Variants in KCNN3 observed in about 807,000 individuals in gnomAD.
The protein encoded by KCNN3 is potassium calcium-activated channel subfamily N member 3.
KCNN3 carries 16 observed loss-of-function variants against 62.9 expected under a neutral mutation model. The ratio of observed to expected loss-of-function variants is 0.25; its 90% CI spans 0.17 to 0.39. The LOEUF (loss-of-function observed/expected upper bound fraction) is 0.39. KCNN3 is among the 10% of genes least tolerant of loss of function. KCNN3 has a pLI of 1.00. For synonymous variants in KCNN3, 370 were observed against 389.2 expected (o/e 0.95, Z 0.58); for missense variants, 599 against 949.4 (o/e 0.63, Z 4.85).
intron 2 of KCNN3, among the ~76,000 whole-genome samples, chr1:154,787,631 TG>T (rs1444032372): frequency 6.6e-6 from 1 of 152,200 alleles, no homozygotes; most frequent in African/African-American, 2.4e-5. Flanking sequence ...CCACAGGTAC[TG>T]CCCTGGATCC....
intron 2 of KCNN3, among the ~76,000 whole-genome samples, chr1:154,816,601 T>G (rs1259815867): frequency 6.6e-6 from 1 of 152,144 alleles, no homozygotes; most frequent in Non-Finnish European, 1.5e-5. Context: ...ATTCCATGCC[T>G]GGGGCTCTGA....
At chr1:154,790,750 T>C (rs1649478822) in intron 2 of KCNN3, among the ~76,000 whole-genome samples, 1 of 152,224 alleles carries the variant, frequency 6.6e-6, no homozygotes, top group Non-Finnish European at 1.5e-5. Flanking sequence ...TCGTTAAATC[T>C]GGGACTATCT....
At chr1:154,755,863 AAGGAAGAGGAAGATGAGG>A (rs1480195462) in intron 3 of KCNN3, among the ~76,000 whole-genome samples, 2 of 135,536 alleles carry the variant, frequency 1.5e-5, no homozygotes, top group East Asian at 4.7e-4. Flanking sequence ...AAGGAAGAAG[AAGGAAGAGGAAGATGAGG>A]AGGAAGAGGA....
intron 5 of KCNN3, among the ~76,000 whole-genome samples, chr1:154,715,981 T>C (rs1700227012): frequency 1.3e-5 from 2 of 152,238 alleles, no homozygotes; most frequent in African/African-American, 4.8e-5. Flanking sequence ...GTAAATGTAA[T>C]TGGCACAAAA....
rs1699803833 is a variant in KCNN3 at position 154,699,277 on chromosome 1, T to G, written c.*8699A>C. 6.6e-6 allele frequency: 1 copy of G among 151,822 alleles called. No homozygotes were observed. The highest frequency in any genetic ancestry group is 2.4e-5 in the African/African-American group (1 of 41,312). The allele number at this position is 151,822 out of a possible 1,614,324, so 9.4% of individuals were successfully genotyped here. A position where few individuals can be genotyped will look rare whatever the true frequency, so the allele number is the denominator to read the frequency against. ...ATGTTCCGAATAGAACCTCTCTATG[T>G]AAAGGTCTCACTAAACAAATAAACA... On this transcript the variant is annotated 3_prime_UTR_variant, in exon 8 of 8. Transcript: ENST00000271915.
chr1:154,803,055 G>A (rs1650025811), intron 2 of KCNN3, among the ~76,000 whole-genome samples: 1 of 152,182 alleles, frequency 6.6e-6, no homozygotes, highest in Non-Finnish European at 1.5e-5. Flanking sequence ...GTTAGGGATG[G>A]AGCAATTCAC....
At chr1:154,800,735 G>C (rs1275862264) in intron 2 of KCNN3, among the ~76,000 whole-genome samples, 2 of 152,096 alleles carry the variant, frequency 1.3e-5, no homozygotes, top group Non-Finnish European at 2.9e-5. Context: ...ATGCCTGTTA[G>C]GAGGAAACAG....
intron 1 of KCNN3, among the ~76,000 whole-genome samples, chr1:154,849,824 A>G (rs933319522): frequency 6.6e-6 from 1 of 152,132 alleles, no homozygotes; most frequent in Non-Finnish European, 1.5e-5. Context: ...TGGGCTGGGT[A>G]ATTCTTTGTT....
At chr1:154,840,154 T>C (rs12754189) in intron 1 of KCNN3, among the ~76,000 whole-genome samples, 34,145 of 152,038 alleles carry the variant, frequency 0.22, 4,522 homozygotes, top group Non-Finnish European at 0.31. Flanking sequence ...CTAAAAGAAA[T>C]GTACAAATTT....
At chr1:154,861,705 C>T (rs762092294) in intron 1 of KCNN3, among the ~76,000 whole-genome samples, 3 of 152,220 alleles carry the variant, frequency 2.0e-5, no homozygotes, top group Non-Finnish European at 4.4e-5. Context: ...CCATAAACCA[C>T]CGTCCGCCTG....
chr1:154,712,301 C>T (rs1009875956), intron 7 of KCNN3, among the ~76,000 whole-genome samples: 21 of 152,174 alleles, frequency 1.4e-4, no homozygotes, highest in Non-Finnish European at 2.6e-4. Context: ...ACCCAAAAAC[C>T]TGAGGGAGTT....
At chr1:154,752,040 G>T (rs1408734183) in intron 3 of KCNN3, among the ~76,000 whole-genome samples, 1 of 152,218 alleles carries the variant, frequency 6.6e-6, no homozygotes, top group African/African-American at 2.4e-5. Context: ...GACAGAGAGA[G>T]GAGGCATGGA....
chr1:154,810,298 T>G (rs6700043), intron 2 of KCNN3, among the ~76,000 whole-genome samples: 23,080 of 151,826 alleles, frequency 0.15, 2,592 homozygotes, highest in African/African-American at 0.32. Context: ...TGGCTTGGGG[T>G]TAGAGGCAGG....
Position 154,808,345 on chromosome 1 carries a change from C to G in KCNN3, c.1029+13744G>C, listed in dbSNP as rs567872822. Among the ~76,000 whole-genome samples, 210 of 152,286 alleles carry G rather than the reference C, an allele frequency of 1.4e-3. 1 individual carries two copies. Among genetic ancestry groups the G allele is most frequent in the Non-Finnish European group, 1.8e-3 (123 of 68,016 alleles). On this transcript the variant is annotated intron_variant, in intron 2 of 7. Transcript: ENST00000271915. Reference sequence around the variant, plus strand: ...GAGCCCTGAGCTTCTGCATTCTTCACAGCTGCTGGAGCTGGTCCCTTCCCC... The same window carrying G: ...GAGCCCTGAGCTTCTGCATTCTTCAGAGCTGCTGGAGCTGGTCCCTTCCCC...
At chr1:154,742,351 G>A (rs372669480) in intron 3 of KCNN3, among the ~76,000 whole-genome samples, 2 of 152,228 alleles carry the variant, frequency 1.3e-5, no homozygotes, top group African/African-American at 4.8e-5. Flanking sequence ...CTGGGGTATA[G>A]CTGAACCTAC....
chr1:154,699,939 A>G lies in KCNN3; in HGVS notation c.*8037T>C, dbSNP rs1042760325. The G allele has an allele frequency of 6.6e-6, 1 of 152,178 alleles. No homozygotes were observed. Among genetic ancestry groups the G allele is most frequent in the African/African-American group, 2.4e-5 (1 of 41,446 alleles). 9.4% of individuals were successfully genotyped at this position (152,178 alleles called of 1,614,324 possible). On this transcript the variant is annotated 3_prime_UTR_variant, in exon 8 of 8. Coordinates refer to ENST00000271915, the MANE Select transcript of KCNN3 (RefSeq NM_002249.6). ...GGGGGCTTTGAGGTGGCTCAAGGATATGGAGTGCTATTTAGGTAAGACCGG... is the reference window on the plus strand; with the variant it reads ...GGGGGCTTTGAGGTGGCTCAAGGATGTGGAGTGCTATTTAGGTAAGACCGG...
chr1:154,769,239 A>G (rs924869510), intron 3 of KCNN3, among the ~76,000 whole-genome samples: 1 of 152,108 alleles, frequency 6.6e-6, no homozygotes, highest in African/African-American at 2.4e-5. Context: ...GGGATGACAT[A>G]TGGATTTTAC....
chr1:154,764,521 A>C (rs1007175066), intron 3 of KCNN3, among the ~76,000 whole-genome samples: 2 of 152,152 alleles, frequency 1.3e-5, no homozygotes, highest in African/African-American at 4.8e-5. Context: ...ATACTCATAA[A>C]ATTTTGCCTG....
intron 1 of KCNN3, among the ~76,000 whole-genome samples, chr1:154,829,086 G>A (rs1245084569): frequency 1.3e-5 from 2 of 152,224 alleles, no homozygotes; most frequent in African/African-American, 4.8e-5. Flanking sequence ...CCCAAGGGCT[G>A]CCCTCTGCAC....
Sources: gnomAD v4.1 joint callset for allele counts (sites outside exome capture counted in the v4.1 genomes callset) on GRCh38, gnomAD v4.1.1 for gene constraint, MANE v1.5 for transcripts, NCBI Gene and HGNC (gene_info 2026-07-23, HGNC 2026-07-21) for gene names.